FAAP20: variants seen among roughly 807,000 people sequenced by gnomAD.
The protein encoded by FAAP20 is FA core complex associated protein 20.
In FAAP20, 12 loss-of-function variants were observed where a neutral mutation model predicts 16.2. The ratio of observed to expected loss-of-function variants is 0.74; its 90% CI spans 0.48 to 1.20. FAAP20 has a LOEUF of 1.20. Ranked by LOEUF, FAAP20 falls within the 50% of genes most tolerant of loss-of-function variation. The pLI, the probability that FAAP20 is intolerant of heterozygous loss-of-function variation, is 0.00. For synonymous variants in FAAP20, 141 were observed against 110.7 expected, an observed-to-expected ratio of 1.27 and a Z score of -1.72; for missense variants, 288 against 245.8, an observed-to-expected ratio of 1.17 and a Z score of -1.15.
At chr1:2,200,734 G>A, upstream of FAAP20, 1 of 991,384 alleles carries the variant, frequency 1.0e-6, no homozygotes, top group Non-Finnish European at 1.2e-6. Context: ...GCCCAGCTGG[G>A]TGCGGGGAGC....
upstream of FAAP20, among the ~76,000 whole-genome samples, chr1:2,197,234 C>T (rs1040643681): frequency 1.3e-5 from 2 of 152,238 alleles, no homozygotes; most frequent in African/African-American, 4.8e-5. Context: ...GAGGACCCAG[C>T]CCCCACCCCT....
Position 2,189,605 on chromosome 1 carries a change from G to T in FAAP20, c.*104C>A. 2.4e-6 allele frequency: 2 copies of T among 836,368 alleles called. No homozygotes were observed. Among genetic ancestry groups the T allele is most frequent in the Non-Finnish European group, 3.8e-6 (2 of 522,912 alleles). 51.8% of individuals were successfully genotyped at this position (836,368 alleles called of 1,614,324 possible). On this transcript the variant is annotated 3_prime_UTR_variant, in exon 4 of 4. Transcript: ENST00000378546. ...GCCCTGCTTTAATGCGCATGCGGGGGAGCCGAGAGGCGGGGCTGCTGGCGG... is the reference window on the plus strand; with the variant it reads ...GCCCTGCTTTAATGCGCATGCGGGGTAGCCGAGAGGCGGGGCTGCTGGCGG...
upstream of FAAP20, chr1:2,199,158 C>A: frequency 8.5e-7 from 1 of 1,181,394 alleles, no homozygotes; most frequent in Non-Finnish European, 1.1e-6. This position sits in a 1 kb window ranked among gnomAD's most constrained non-coding sequence, Gnocchi z 4.5. Context: ...GTTTCTGAAC[C>A]CCATCCCAGC....
upstream of FAAP20, chr1:2,199,445 C>A: frequency 1.0e-6 from 1 of 1,002,250 alleles, no homozygotes; most frequent in Non-Finnish European, 1.2e-6. This position sits in a 1 kb window ranked among gnomAD's most constrained non-coding sequence, Gnocchi z 4.5. Context: ...CCCCACTGCC[C>A]TGCTGGGAAA....
chr1:2,210,881 T>C (rs370849561), downstream of FAAP20, among the ~76,000 whole-genome samples: 31 of 152,336 alleles, frequency 2.0e-4, no homozygotes, highest in East Asian at 5.0e-3. Context: ...TAAAGTGTGG[T>C]CCCAGACAGG....
At chr1:2,209,649 CAG>C (rs759793514), downstream of FAAP20, among the ~76,000 whole-genome samples, 145 of 152,350 alleles carry the variant, frequency 9.5e-4, 2 homozygotes, top group Admixed American at 6.5e-3. Flanking sequence ...CCTGAGCCAA[CAG>C]GGGGAGGGCA....
At chr1:2,191,840 G>A (rs762228253) in intron 3 of FAAP20, 8 of 985,350 alleles carry the variant, frequency 8.1e-6, no homozygotes, top group Non-Finnish European at 9.6e-6. Flanking sequence ...CTCACCAGGT[G>A]CCCAGCTTCC....
chr1:2,188,866 G>A (rs1002826982), downstream of FAAP20, among the ~76,000 whole-genome samples: 2 of 152,144 alleles, frequency 1.3e-5, no homozygotes, highest in Non-Finnish European at 2.9e-5. Context: ...TTAGCCGGGC[G>A]TGGTGGCGGG....
upstream of FAAP20, among the ~76,000 whole-genome samples, chr1:2,201,804 T>C (rs1269877134): frequency 1.3e-5 from 2 of 151,830 alleles, no homozygotes; most frequent in East Asian, 3.9e-4. Flanking sequence ...GATCACGAAG[T>C]CAGGAGCTTG....
chr1:2,185,494 G>T, downstream of FAAP20: 1 of 717,964 alleles, frequency 1.4e-6, no homozygotes, highest in Non-Finnish European at 2.6e-6. Context: ...GGACACAGGT[G>T]GGGGCGGGAG....
At chr1:2,185,927 C>G (rs1316717366), downstream of FAAP20, 2 of 337,686 alleles carry the variant, frequency 5.9e-6, no homozygotes, top group African/African-American at 4.3e-5. Context: ...CTACAAACAC[C>G]CAGAAACACA....
At chr1:2,184,519 A>G, downstream of FAAP20, 1 of 1,252,764 alleles carries the variant, frequency 8.0e-7, no homozygotes, top group Non-Finnish European at 1.1e-6. Context: ...GTGCGTGCAA[A>G]ACACTCAATC....
At chr1:2,194,837 T>C (rs1249948928), upstream of FAAP20, 8 of 945,952 alleles carry the variant, frequency 8.5e-6, no homozygotes, top group African/African-American at 1.0e-4. Flanking sequence ...TCCAGACCTC[T>C]GCAGCGAGGC....
upstream of FAAP20, among the ~76,000 whole-genome samples, chr1:2,201,591 G>A (rs368380059): frequency 1.1e-4 from 17 of 152,126 alleles, no homozygotes; most frequent in East Asian, 1.9e-4. Context: ...GCGTGGTGCC[G>A]TGCGCCCATA....
chr1:2,208,001 C>T (rs1366607830), downstream of FAAP20, among the ~76,000 whole-genome samples: 2 of 151,942 alleles, frequency 1.3e-5, no homozygotes, highest in East Asian at 2.0e-4. Context: ...TGTGTGTGCC[C>T]GCGTGCCTGC....
chr1:2,187,626 C>T (rs369222613), downstream of FAAP20, among the ~76,000 whole-genome samples: 8 of 152,190 alleles, frequency 5.3e-5, no homozygotes, highest in African/African-American at 1.9e-4. Context: ...CTTAAGTAGG[C>T]ATATATCAGG....
At chr1:2,196,697 G>A (rs546010471), upstream of FAAP20, among the ~76,000 whole-genome samples, 4 of 152,126 alleles carry the variant, frequency 2.6e-5, no homozygotes, top group Non-Finnish European at 5.9e-5. The surrounding 1 kb of genome is among the most constrained non-coding windows in gnomAD (Gnocchi z 4.5). Context: ...AAAATTAGCC[G>A]GGCATGGTGG....
At chr1:2,189,158 C>T (rs2100635835), downstream of FAAP20, among the ~76,000 whole-genome samples, 1 of 151,990 alleles carries the variant, frequency 6.6e-6, no homozygotes, top group African/African-American at 2.4e-5. Context: ...GGCAAGACCC[C>T]TCCATCTGTA....
At chr1:2,199,507 C>T (rs529724878), upstream of FAAP20, 15 of 987,316 alleles carry the variant, frequency 1.5e-5, no homozygotes, top group Non-Finnish European at 1.8e-5. This position sits in a 1 kb window ranked among gnomAD's most constrained non-coding sequence, Gnocchi z 4.5. Context: ...CCTGTGTGCT[C>T]TGTTCCCTGG....
Sources: gnomAD v4.1 joint callset for allele counts (sites outside exome capture counted in the v4.1 genomes callset) on GRCh38, gnomAD v4.1.1 for gene constraint, Gnocchi (gnomAD v3.1) non-coding constraint, MANE v1.5 for transcripts, NCBI Gene and HGNC (gene_info 2026-07-23, HGNC 2026-07-21) for gene names.